PRR16: variants seen among roughly 807,000 people sequenced by gnomAD.
PRR16 encodes proline rich 16, also known as protein Largen.
PRR16 carries 6 observed loss-of-function variants against 18.2 expected under a neutral mutation model. The observed-to-expected ratio is 0.33, with a 90% CI of 0.18 to 0.65. The LOEUF (loss-of-function observed/expected upper bound fraction) is 0.65, where lower values mean the gene tolerates loss of function less well. Ranked by LOEUF, PRR16 falls within the 30% of genes least tolerant of loss-of-function variation. The probability of loss-of-function intolerance (pLI) is 0.74; values close to 1 mark genes in which losing one functional copy is unlikely to be tolerated. For missense variants in PRR16, 412 were observed against 376.6 expected (o/e 1.09, Z -0.78); for synonymous variants, 151 against 147.8 (o/e 1.02, Z -0.16).
chr5:120,732,267 C>T, the PRR16 span, among the ~76,000 whole-genome samples: 1 of 152,156 alleles, frequency 6.6e-6, no homozygotes, highest in African/African-American at 2.4e-5. Context: ...GGCTGGCTTA[C>T]ACATCTTCAT....
At chr5:120,626,772 A>G (rs1313294068) in intron 1 of PRR16, among the ~76,000 whole-genome samples, 1 of 152,164 alleles carries the variant, frequency 6.6e-6, no homozygotes, top group Non-Finnish European at 1.5e-5. Context: ...AATTTGTAGA[A>G]TAAAAGATAA....
At chr5:120,579,337 C>G (rs1211429150) in intron 1 of PRR16, among the ~76,000 whole-genome samples, 1 of 152,066 alleles carries the variant, frequency 6.6e-6, no homozygotes, top group Non-Finnish European at 1.5e-5. Context: ...ATGCCTATGT[C>G]CTAAATGGTA....
At chr5:120,700,820 G>A in the PRR16 span, among the ~76,000 whole-genome samples, 1 of 152,196 alleles carries the variant, frequency 6.6e-6, no homozygotes. Flanking sequence ...TGATGGTCTA[G>A]GGGGCTTCCG....
chr5:120,540,456 C>T (rs1398771996), intron 1 of PRR16, among the ~76,000 whole-genome samples: 1 of 152,186 alleles, frequency 6.6e-6, no homozygotes, highest in East Asian at 1.9e-4. Flanking sequence ...CTGGCCGGGC[C>T]TCTCTTAACC....
At chr5:120,700,810 T>G in the PRR16 span, among the ~76,000 whole-genome samples, 3 of 151,986 alleles carry the variant, frequency 2.0e-5, no homozygotes, top group South Asian at 2.1e-4. Context: ...TCGGCGTCGG[T>G]GATGGTCTAG....
intron 1 of PRR16, among the ~76,000 whole-genome samples, chr5:120,605,585 G>C (rs776096445): frequency 6.6e-6 from 1 of 152,184 alleles, no homozygotes; most frequent in Non-Finnish European, 1.5e-5. Flanking sequence ...GAGGTTAGAA[G>C]ATACTCTGGA....
At chr5:120,482,759 G>T (rs1334771480) in intron 1 of PRR16, among the ~76,000 whole-genome samples, 1 of 152,106 alleles carries the variant, frequency 6.6e-6, no homozygotes, top group East Asian at 1.9e-4. Flanking sequence ...TAAGAACCTT[G>T]TATGCCTTTT....
downstream of PRR16, among the ~76,000 whole-genome samples, chr5:120,689,892 G>A (rs1046017009): frequency 6.6e-6 from 1 of 151,304 alleles, no homozygotes; most frequent in Admixed American, 6.6e-5. Context: ...AGTTATAAAG[G>A]GAAATGAAAC....
At chr5:120,747,170 A>G in the PRR16 span, among the ~76,000 whole-genome samples, 2 of 152,116 alleles carry the variant, frequency 1.3e-5, no homozygotes, top group African/African-American at 4.8e-5. Flanking sequence ...ATATTTTTTC[A>G]TACAAGACCC....
At chr5:120,698,065 TAAAA>T in the PRR16 span, among the ~76,000 whole-genome samples, 1 of 152,058 alleles carries the variant, frequency 6.6e-6, no homozygotes, top group African/African-American at 2.4e-5. Context: ...ATAAGAAAAA[TAAAA>T]CAAAATAGTG....
intron 1 of PRR16, among the ~76,000 whole-genome samples, chr5:120,669,738 A>G (rs1238225355): frequency 6.6e-6 from 1 of 152,106 alleles, no homozygotes; most frequent in Non-Finnish European, 1.5e-5. Flanking sequence ...AGAACTCAGT[A>G]AAAGAGAAAG....
chr5:120,525,864 A>G (rs1751329422), intron 1 of PRR16, among the ~76,000 whole-genome samples: 1 of 152,266 alleles, frequency 6.6e-6, no homozygotes, highest in African/African-American at 2.4e-5. Context: ...GAGGCAACAA[A>G]TTGATTATGA....
chr5:120,493,144 A>G (rs1750122722), intron 1 of PRR16, among the ~76,000 whole-genome samples: 1 of 152,202 alleles, frequency 6.6e-6, no homozygotes, highest in South Asian at 2.1e-4. Context: ...ATTATTTTCC[A>G]TAGTGTTAGC....
the PRR16 span, among the ~76,000 whole-genome samples, chr5:120,767,519 G>A: frequency 1.3e-5 from 2 of 151,950 alleles, no homozygotes. Flanking sequence ...AGCATTAGCT[G>A]TTCTCCTTCA....
At chr5:120,750,277 A>G in the PRR16 span, among the ~76,000 whole-genome samples, 1 of 152,130 alleles carries the variant, frequency 6.6e-6, no homozygotes, top group African/African-American at 2.4e-5. Flanking sequence ...TCCTGATATG[A>G]TACAAGCCAA....
At chr5:120,618,626 G>A in intron 1 of PRR16, 3 of 815,400 alleles carry the variant, frequency 3.7e-6, no homozygotes, top group Non-Finnish European at 4.4e-6. Flanking sequence ...ATACTGAAAA[G>A]AAAATAAATT....
At chr5:120,526,716 T>C (rs558249888) in intron 1 of PRR16, among the ~76,000 whole-genome samples, 33 of 152,184 alleles carry the variant, frequency 2.2e-4, no homozygotes, top group Non-Finnish European at 4.4e-4. Context: ...TGAAAAATCA[T>C]AGCAAAGTAA....
At chr5:120,495,349 G>A (rs1393379824) in intron 1 of PRR16, among the ~76,000 whole-genome samples, 5 of 152,006 alleles carry the variant, frequency 3.3e-5, no homozygotes, top group Admixed American at 2.0e-4. Flanking sequence ...TATCCATGGA[G>A]CATTGGTTCC....
intron 1 of PRR16, among the ~76,000 whole-genome samples, chr5:120,683,570 T>C (rs1382348231): frequency 2.0e-5 from 3 of 152,066 alleles, no homozygotes; most frequent in African/African-American, 7.2e-5. Context: ...TTTCTAATTG[T>C]TCCCTGTTAT....
Sources: allele counts gnomAD v4.1 joint callset (sites outside exome capture counted in the v4.1 genomes callset), GRCh38; gene constraint gnomAD v4.1.1; transcripts MANE v1.5; gene names NCBI Gene and HGNC (gene_info 2026-07-23, HGNC 2026-07-21).